The following GRAMD1B variants were observed in gnomAD, a reference collection of about 807,000 sequenced individuals.
The protein encoded by GRAMD1B is protein Aster-B.
A neutral mutation model predicts 99.7 loss-of-function variants in GRAMD1B; 37 were observed. The observed-to-expected ratio is 0.37, with a 90% CI of 0.29 to 0.49. The LOEUF is 0.49. Among genes scored for constraint, GRAMD1B ranks in the 20% least tolerant of loss-of-function variants. GRAMD1B has a pLI of 0.98. For missense variants in GRAMD1B, 888 were observed against 1,009.2 expected, an observed-to-expected ratio of 0.88 and a Z score of 1.63; for synonymous variants, 427 against 387.6, an observed-to-expected ratio of 1.10 and a Z score of -1.19.
chr11:123,469,205 T>TA (rs1030424851), intron 1 of GRAMD1B, among the ~76,000 whole-genome samples: 1 of 152,124 alleles, frequency 6.6e-6, no homozygotes, highest in African/African-American at 2.4e-5. Flanking sequence ...ATGAGGCTGT[T>TA]ACTGCTCAGA....
chr11:123,598,386 C>T (rs372864062), intron 7 of GRAMD1B: 25 of 964,602 alleles, frequency 2.6e-5, no homozygotes, highest in Admixed American at 5.1e-5. Context: ...GTCTTCCTCT[C>T]GCTCTTCTCC....
intron 2 of GRAMD1B, among the ~76,000 whole-genome samples, chr11:123,518,552 C>T (rs543953745): frequency 7.9e-5 from 12 of 152,256 alleles, no homozygotes; most frequent in East Asian, 3.9e-4. Flanking sequence ...TTCTCAGATA[C>T]GGTGTTTTTA....
At chr11:123,583,314 G>A (rs1002679246) in intron 3 of GRAMD1B, among the ~76,000 whole-genome samples, 6 of 150,314 alleles carry the variant, frequency 4.0e-5, no homozygotes, top group African/African-American at 1.5e-4. Context: ...GTGTGTGCAC[G>A]TGTGGATGTG....
At chr11:123,551,354 C>G (rs769326612) in intron 2 of GRAMD1B, among the ~76,000 whole-genome samples, 1 of 152,182 alleles carries the variant, frequency 6.6e-6, no homozygotes, top group East Asian at 1.9e-4. Flanking sequence ...GTACTTCATT[C>G]TGGAAAGGAG....
chr11:123,406,691 A>C (rs1465989663), intron 1 of GRAMD1B, among the ~76,000 whole-genome samples: 2 of 152,238 alleles, frequency 1.3e-5, no homozygotes, highest in African/African-American at 4.8e-5. Context: ...GAAGTAAATG[A>C]ATGACAATGA....
rs10623493 is a variant in GRAMD1B, at chr11:123,466,374, AAGAG to A, written c.375-14434_375-14431del. On this transcript the variant is annotated intron_variant, in intron 1 of 19. Coordinates refer to ENST00000635736, the MANE Select transcript of GRAMD1B (RefSeq NM_001387025.1). The stretch of plus-strand genomic sequence containing the variant: ...GGAAAGAAGGAAGGAAGGAAAAAGA[AAGAG>A]AGAGAGAAAGAAAGAAAAAGAAAGA... 4.6e-5 allele frequency among the ~76,000 whole-genome samples: 6 copies of A among 130,768 alleles called. No individual in the cohort carries two copies. In the East Asian group the frequency reaches 7.4e-4, roughly 16 times the overall value. The allele number at this position is 130,768 out of a possible 152,430, so 85.8% of individuals were successfully genotyped here.
chr11:123,560,218 G>A (rs1033293576), intron 2 of GRAMD1B: 1 of 1,042,136 alleles, frequency 9.6e-7, no homozygotes, highest in East Asian at 9.2e-5. Context: ...CGCAAGAGGG[G>A]TGCGTGTCTG....
intron 2 of GRAMD1B, among the ~76,000 whole-genome samples, chr11:123,487,023 C>T (rs946391265): frequency 2.5e-4 from 38 of 152,068 alleles, no homozygotes; most frequent in African/African-American, 8.9e-4. Flanking sequence ...GAGCTGAGAT[C>T]GCACCACTGC....
chr11:123,408,763 A>G (rs1381114379), intron 1 of GRAMD1B, among the ~76,000 whole-genome samples: 1 of 152,232 alleles, frequency 6.6e-6, no homozygotes, highest in East Asian at 1.9e-4. Context: ...GGACAATTTG[A>G]ATTATCTCTA....
upstream of GRAMD1B, among the ~76,000 whole-genome samples, chr11:123,430,024 A>T (rs959951227): frequency 1.3e-5 from 2 of 151,654 alleles, no homozygotes; most frequent in Non-Finnish European, 2.9e-5. Context: ...GCCGAGTTCG[A>T]CTAATGGGAG....
At chr11:123,466,450 G>GAA (rs1185803128) in intron 1 of GRAMD1B, among the ~76,000 whole-genome samples, 2 of 150,374 alleles carry the variant, frequency 1.3e-5, no homozygotes, top group Non-Finnish European at 3.0e-5. Context: ...AAGAAAGAAA[G>GAA]AGAAAGAAAG....
chr11:123,393,543 C>T (rs1947353316), intron 1 of GRAMD1B, among the ~76,000 whole-genome samples: 1 of 152,188 alleles, frequency 6.6e-6, no homozygotes, highest in South Asian at 2.1e-4. Flanking sequence ...ATGGCTAATG[C>T]ATGCTGGCAA....
At chr11:123,418,222 C>T (rs1364211631) in intron 1 of GRAMD1B, among the ~76,000 whole-genome samples, 1 of 152,072 alleles carries the variant, frequency 6.6e-6, no homozygotes, top group African/African-American at 2.4e-5. Flanking sequence ...AACGGAAAAC[C>T]GTGGAAGAGG....
chr11:123,450,350 A>G (rs1185196395), intron 1 of GRAMD1B, among the ~76,000 whole-genome samples: 1 of 152,164 alleles, frequency 6.6e-6, no homozygotes, highest in Non-Finnish European at 1.5e-5. Context: ...ATTTTGGAAT[A>G]TATGCATCCT....
chr11:123,599,819 A>G (rs952048042), intron 7 of GRAMD1B, among the ~76,000 whole-genome samples: 4 of 152,338 alleles, frequency 2.6e-5, no homozygotes, highest in African/African-American at 9.6e-5. Context: ...TGATTATACA[A>G]GTTGCCTAAC....
intron 2 of GRAMD1B, among the ~76,000 whole-genome samples, chr11:123,481,474 A>T (rs1951603472): frequency 6.6e-6 from 1 of 152,038 alleles, no homozygotes; most frequent in South Asian, 2.1e-4. Context: ...CAACAACAAC[A>T]ACAAACTTTA....
chr11:123,514,410 C>T (rs1050547873), intron 2 of GRAMD1B, among the ~76,000 whole-genome samples: 6 of 152,152 alleles, frequency 3.9e-5, no homozygotes, highest in African/African-American at 1.4e-4. Flanking sequence ...GTCTCAGTTT[C>T]CTCGTTTGTC....
intron 2 of GRAMD1B, among the ~76,000 whole-genome samples, chr11:123,561,459 C>CT (rs1946758521): frequency 6.6e-6 from 1 of 152,362 alleles, no homozygotes; most frequent in East Asian, 1.9e-4. Context: ...TATTCTTTGG[C>CT]TTAGCCAGCA....
chr11:123,578,723 C>T (rs112084003), intron 3 of GRAMD1B, among the ~76,000 whole-genome samples: 1,731 of 152,304 alleles, frequency 0.011, 37 homozygotes, highest in African/African-American at 0.039. Flanking sequence ...TCCCTCCTTA[C>T]ATGGTGCGGT....
Sources: gnomAD v4.1 joint callset for allele counts (sites outside exome capture counted in the v4.1 genomes callset) on GRCh38, gnomAD v4.1.1 for gene constraint, MANE v1.5 for transcripts, NCBI Gene and HGNC (gene_info 2026-07-23, HGNC 2026-07-21) for gene names.